ITLN2: variants seen among roughly 807,000 people sequenced by gnomAD.
ITLN2 encodes the protein intelectin-2.
ITLN2 carries 29 observed loss-of-function variants against 39.4 expected under a neutral mutation model. The ratio of observed to expected loss-of-function variants is 0.74; its 90% CI spans 0.55 to 1.00. ITLN2 has a LOEUF of 1.00. ITLN2 is among the 50% of genes least tolerant of loss of function. The probability of loss-of-function intolerance (pLI) is 0.00; values close to 1 mark genes in which losing one functional copy is unlikely to be tolerated. For synonymous variants in ITLN2, 156 were observed against 153.4 expected (o/e 1.02, Z -0.12); for missense variants, 412 against 416.7 (o/e 0.99, Z 0.10).
chr1:160,950,428 A>G, intron 5 of ITLN2, 125 bp downstream of exon 5: 1 of 1,226,796 alleles, frequency 8.2e-7, no homozygotes, highest in South Asian at 1.5e-5. Context: ...AGTGAATCAA[A>G]GGAAGGAGAA....
chr1:160,952,506 G>T, intron 3 of ITLN2, 114 bp downstream of exon 3: 1 of 690,870 alleles, frequency 1.4e-6, no homozygotes, highest in Non-Finnish European at 2.5e-6. Context: ...TTGAGTAGGA[G>T]CTGGGGGCAG....
Position 160,948,046 on chromosome 1 carries a change from G to A in ITLN2, c.722-14C>T. 1 of 1,607,592 alleles carries A rather than the reference G, an allele frequency of 6.2e-7. No individual in the cohort carries two copies. Among genetic ancestry groups the A allele is most frequent in the Non-Finnish European group, 8.5e-7 (1 of 1,174,254 alleles). On this transcript the variant is annotated splice_polypyrimidine_tract_variant and intron_variant, in intron 6 of 7. Coordinates refer to ENST00000368029, the MANE Select transcript of ITLN2 (RefSeq NM_080878.3). Reference sequence around the variant, plus strand: ...CAACAAATTCCCCTGAAAAAGAAGAGGTGAAGAAACAGCCAAGTAGTCAAA... The same window carrying A: ...CAACAAATTCCCCTGAAAAAGAAGAAGTGAAGAAACAGCCAAGTAGTCAAA...
intron 4 of ITLN2, 159 bp from the exon 5 acceptor site, chr1:160,950,870 C>T (rs1671725965): frequency 6.8e-7 from 1 of 1,468,102 alleles, no homozygotes; most frequent in African/African-American, 1.4e-5. Context: ...CCCACCACCA[C>T]CCAGGGCCCT....
At chr1:160,946,254 T>C (rs1671597710) in intron 7 of ITLN2, among the ~76,000 whole-genome samples, 1 of 151,912 alleles carries the variant, frequency 6.6e-6, no homozygotes, top group East Asian at 1.9e-4. Context: ...GAGGTTGCAG[T>C]GAGCAGAGAT....
intron 6 of ITLN2, chr1:160,948,902 A>T (rs1433897414): frequency 6.6e-6 from 1 of 152,210 alleles, no homozygotes; most frequent in Non-Finnish European, 1.5e-5. Context: ...AGAAAGAGAC[A>T]CAGCGACAAA....
chr1:160,950,225 G>T, intron 5 of ITLN2, 59 bp from the exon 6 acceptor site: 1 of 1,576,378 alleles, frequency 6.3e-7, no homozygotes, highest in Non-Finnish European at 8.7e-7. Context: ...CACAGTGTGG[G>T]GGGAGGAGGG....
At position 160,954,386 on chromosome 1, in the gene ITLN2, C is replaced by T. The variant is rs930706195; in HGVS notation, c.79+1G>A. ...AGCTCCTACTCTCAGAAGCCATTTA[C>T]CTGCACTGCACCCACTGGTGGCCAC... On this transcript the variant is annotated splice_donor_variant, in intron 2 of 7. Transcript: ENST00000368029. LOFTEE classifies it high-confidence loss of function. 4 of 1,568,966 alleles carry T rather than the reference C, an allele frequency of 2.5e-6. No individual in the cohort carries two copies. The highest frequency in any genetic ancestry group is 3.5e-6 in the Non-Finnish European group (4 of 1,154,686).
chr1:160,951,090 A>C lies in ITLN2; in HGVS notation c.394T>G (p.Tyr132Asp). 1 of 1,614,176 alleles carries C rather than the reference A, an allele frequency of 6.2e-7. No individual in the cohort carries two copies. Among genetic ancestry groups the C allele is most frequent in the Non-Finnish European group, 8.5e-7 (1 of 1,180,030 alleles). Reference protein sequence around the residue: ...YPEGDGNWANYNTFGSAEAAT... With the variant: ...YPEGDGNWANDNTFGSAEAAT... Reference sequence around the variant, plus strand: ...GCCTCTGCAGATCCAAAGGTGTTGTAGTTGGCCCAGTTGCCATCCCCCTCT... The same window carrying C: ...GCCTCTGCAGATCCAAAGGTGTTGTCGTTGGCCCAGTTGCCATCCCCCTCT... The change falls in exon 4 of 8, where the codon TAC becomes GAC. Residue 132 changes from tyrosine (Y) to aspartate (D), a missense_variant. Coordinates refer to ENST00000368029, the MANE Select transcript of ITLN2 (RefSeq NM_080878.3).
At chr1:160,953,453 G>A (rs1028870943) in intron 2 of ITLN2, among the ~76,000 whole-genome samples, 10 of 152,056 alleles carry the variant, frequency 6.6e-5, no homozygotes, top group African/African-American at 1.4e-4. Flanking sequence ...GGCTCATGCC[G>A]GTAATCCCAG....
intron 5 of ITLN2, 58 bp from the exon 6 acceptor site, chr1:160,950,224 G>A (rs1671709655): frequency 4.4e-6 from 7 of 1,576,754 alleles, no homozygotes; most frequent in South Asian, 1.1e-5. Context: ...CCACAGTGTG[G>A]GGGGAGGAGG....
chr1:160,952,592 G>T, intron 3 of ITLN2, 28 bp downstream of exon 3: 1 of 1,523,926 alleles, frequency 6.6e-7, no homozygotes, highest in Non-Finnish European at 9.1e-7. Context: ...GCTTCAAAGA[G>T]AGAATGCTGA....
In ITLN2 at chr1:160,954,760, C is replaced by G; in HGVS notation, c.-19G>C. ...ACAGCATCCTTACAGATGCCAGGAG[C>G]TGATAGTTCCCTTCCTGTGGACACT... On this transcript the variant is annotated 5_prime_UTR_variant, in exon 1 of 8. Transcript: ENST00000368029. 1.2e-6 allele frequency: 2 copies of G among 1,613,788 alleles called. No homozygotes were observed. Among genetic ancestry groups the G allele is most frequent in the South Asian group, 1.1e-5 (1 of 90,976 alleles).
Position 160,947,911 on chromosome 1 carries a change from A to G in ITLN2, c.825+18T>C, listed in dbSNP as rs745688607. On this transcript the variant is annotated intron_variant, in intron 7 of 7. Transcript: ENST00000368029. Reference sequence around the variant, plus strand: ...TCTTTTCCCCACACGTGGGCCATTGATCTCCCCAAAAACTCACATGCTCAG... The same window carrying G: ...TCTTTTCCCCACACGTGGGCCATTGGTCTCCCCAAAAACTCACATGCTCAG... 7.1e-6 allele frequency: 11 copies of G among 1,560,094 alleles called. No individual in the cohort carries two copies. In the Admixed American group the frequency reaches 1.8e-4, roughly 26 times the overall value.
intron 1 of ITLN2, 113 bp downstream of exon 1, chr1:160,954,614 A>G (rs1242030179): frequency 1.4e-5 from 19 of 1,359,772 alleles, no homozygotes; most frequent in Non-Finnish European, 1.9e-5. Flanking sequence ...GTCCAACACT[A>G]CAAATACCCA....
At chr1:160,945,925 G>A (rs1331035515) in intron 7 of ITLN2, among the ~76,000 whole-genome samples, 2 of 152,116 alleles carry the variant, frequency 1.3e-5, no homozygotes, top group African/African-American at 4.8e-5. Flanking sequence ...ATATTTTCAC[G>A]ACCTCGGTGT....
In ITLN2 at chr1:160,947,948, G is replaced by A. The variant is rs769503359; in HGVS notation, c.806C>T (p.Thr269Ile). 1.9e-6 allele frequency: 3 copies of A among 1,613,748 alleles called. No individual in the cohort carries two copies. Among genetic ancestry groups the A allele is most frequent in the South Asian group, 2.2e-5 (2 of 91,078 alleles). ...ANALCAGIKV[T>I]GCNTEHHCIG... ...ACTCACATGCTCAGTGTTACAGCCA[G>A]TAACTTTTATCCCAGCACAAAGGGC... The change falls in exon 7 of 8, where the codon ACT becomes ATT. Residue 269 changes from threonine (T) to isoleucine (I), a missense_variant. Transcript: ENST00000368029.
At chr1:160,948,199 C>T (rs994984897) in intron 6 of ITLN2, among the ~76,000 whole-genome samples, 167 bp from the exon 7 acceptor site, 2 of 151,704 alleles carry the variant, frequency 1.3e-5, no homozygotes, top group Non-Finnish European at 2.9e-5. Flanking sequence ...GGCTGGTGCA[C>T]GTCAGTCCTA....
intron 7 of ITLN2, among the ~76,000 whole-genome samples, chr1:160,946,504 G>T (rs1356873582): frequency 6.6e-6 from 1 of 152,000 alleles, no homozygotes; most frequent in Non-Finnish European, 1.5e-5. Context: ...GAGGTCAGGA[G>T]ATCAAGACCA....
chr1:160,947,261 T>C (rs534913605), intron 7 of ITLN2, among the ~76,000 whole-genome samples: 1 of 152,212 alleles, frequency 6.6e-6, no homozygotes, highest in Non-Finnish European at 1.5e-5. Context: ...AACATCTCAG[T>C]GTAGCAAAGA....
Sources: gnomAD v4.1 joint callset for allele counts (sites outside exome capture counted in the v4.1 genomes callset) on GRCh38, gnomAD v4.1.1 for gene constraint, MANE v1.5 for transcripts, NCBI Gene and HGNC (gene_info 2026-07-23, HGNC 2026-07-21) for gene names.